The following BRICD5 variants were observed in gnomAD, a reference collection of about 807,000 sequenced individuals.
BRICD5 encodes the protein BRICHOS domain-containing protein 5.
A neutral mutation model predicts 28.4 loss-of-function variants in BRICD5; 51 were observed. The ratio of observed to expected loss-of-function variants is 1.80; its 90% CI spans 1.43 to 2.27. The LOEUF is 2.27. BRICD5 is among the 30% of genes most tolerant of loss of function. The pLI, the probability that BRICD5 is intolerant of heterozygous loss-of-function variation, is 0.00. For missense variants in BRICD5, 456 were observed against 309.6 expected (o/e 1.47, Z -3.55); for synonymous variants, 177 against 130.2 (o/e 1.36, Z -2.44).
Position 2,210,634 on chromosome 16 carries a change from G to T in BRICD5, c.68C>A (p.Ser23Tyr), listed in dbSNP as rs866309072. 10 of 1,611,746 alleles carry T rather than the reference G, an allele frequency of 6.2e-6. No individual in the cohort carries two copies. In the African/African-American group the frequency reaches 1.2e-4, roughly 19 times the overall value. ...PGPTGVKTKP[S>Y]CGGWRAVSLL... is the part of the protein sequence containing the mutation. The stretch of plus-strand genomic sequence containing the variant: ...GCTCACGGCTCTCCAGCCCCCGCAG[G>T]AGGGCTTGGTCTTCACCTGGGCGTG... The change falls in exon 2 of 6, where the codon TCC becomes TAC. Residue 23 changes from serine (S) to tyrosine (Y), a missense_variant. By Grantham distance (144) the Ser-to-Tyr change is moderately radical (BLOSUM62 -2). Transcript: ENST00000328540.
At position 2,209,984 on chromosome 16, in the gene BRICD5, C is replaced by G. The variant is rs756613643; in HGVS notation, c.404G>C (p.Arg135Pro). ...CFLRLMEDSD[R>P]ETLRLLVDTS... ...ATCCACCAGCAGCCGCAGGGTCTCC[C>G]GATCACTGTCCTCCATCAGGCGGAG... The change falls in exon 4 of 6, where the codon CGG becomes CCG. Residue 135 changes from arginine to proline, a missense_variant. Coordinates refer to ENST00000328540, the MANE Select transcript of BRICD5 (RefSeq NM_182563.4). 1 of 1,545,736 alleles carries G rather than the reference C, an allele frequency of 6.5e-7. No individual in the cohort carries two copies. The highest frequency in any genetic ancestry group is 8.8e-7 in the Non-Finnish European group (1 of 1,141,718).
Position 2,209,328 on chromosome 16 carries a change from T to G in BRICD5, c.*34A>C. Reference sequence around the variant, plus strand: ...CAGGTGGCCTGGCCAGCCCACTGGATTGGGGACGGGCCAGGCTGGGCCAGG... The same window carrying G: ...CAGGTGGCCTGGCCAGCCCACTGGAGTGGGGACGGGCCAGGCTGGGCCAGG... On this transcript the variant is annotated 3_prime_UTR_variant, in exon 6 of 6. Coordinates refer to ENST00000328540, the MANE Select transcript of BRICD5 (RefSeq NM_182563.4). 6.3e-7 allele frequency: 1 copy of G among 1,582,832 alleles called. No individual in the cohort carries two copies. The highest frequency in any genetic ancestry group is 8.7e-7 in the Non-Finnish European group (1 of 1,156,018).
In BRICD5 at chr16:2,210,175, G is replaced by A; in HGVS notation, c.287C>T (p.Thr96Ile). Reference protein sequence around the residue: ...VARNAATITVTPPQSNHSWAV... With the variant: ...VARNAATITVIPPQSNHSWAV... The stretch of plus-strand genomic sequence containing the variant: ...CCAGCTGTGGTTGCTCTGAGGTGGG[G>A]TCACTGTGATGGTCGCCGCGTTCCG... The change falls in exon 3 of 6, where the codon ACC becomes ATC. Residue 96 changes from threonine to isoleucine, a missense_variant. Transcript: ENST00000328540. The A allele has an allele frequency of 6.2e-7, 1 of 1,607,546 alleles. No individual in the cohort carries two copies. The highest frequency in any genetic ancestry group is 1.1e-5 in the South Asian group (1 of 90,292).
At chr16:2,210,444 T>C in intron 2 of BRICD5, 78 bp downstream of exon 2, 2 of 1,541,860 alleles carry the variant, frequency 1.3e-6, no homozygotes, top group Non-Finnish European at 1.8e-6. Flanking sequence ...GCACCCTTGC[T>C]CTGCTGGAGG....
intron 4 of BRICD5, 122 bp from the exon 5 acceptor site, chr16:2,209,828 C>T (rs1308109577): frequency 7.1e-7 from 1 of 1,401,088 alleles, no homozygotes; most frequent in Middle Eastern, 2.6e-4. Context: ...GCAGCCTGGG[C>T]TTAGGGCGGA....
At position 2,210,805 on chromosome 16, in the gene BRICD5, C is replaced by A. The variant is rs137984071; in HGVS notation, c.29G>T (p.Arg10Leu). 1.1e-5 allele frequency: 17 copies of A among 1,604,784 alleles called. No homozygotes were observed. The Admixed American group carries it at 2.8e-4, about 27-fold the overall frequency. MEPASCCAE[R>L]PKPGPTGVKT... ...CACCCCTGTAGGCCCAGGTTTGGGG[C>A]GCTCAGCACAGCAGCTTGCTGGTTC... Residue 10 changes from arginine (R) to leucine (L), a missense_variant, in exon 1 of 6, where the codon CGC becomes CTC. Physicochemically the swap from Arg to Leu is moderately radical, Grantham distance 102. Coordinates refer to ENST00000328540, the MANE Select transcript of BRICD5 (RefSeq NM_182563.4).
At position 2,209,331 on chromosome 16, in the gene BRICD5, G is replaced by C; in HGVS notation, c.*31C>G. The C allele has an allele frequency of 6.3e-7, 1 of 1,591,156 alleles. No individual in the cohort carries two copies. The highest frequency in any genetic ancestry group is 1.1e-5 in the South Asian group (1 of 89,420). On this transcript the variant is annotated 3_prime_UTR_variant, in exon 6 of 6. Transcript: ENST00000328540. ...GTGGCCTGGCCAGCCCACTGGATTG[G>C]GGACGGGCCAGGCTGGGCCAGGTCG...
Position 2,209,345 on chromosome 16 carries a change from TGGGCCAGGTC to T in BRICD5, c.*7_*16del. The T allele has an allele frequency of 6.2e-7, 1 of 1,604,722 alleles. No individual in the cohort carries two copies. Among genetic ancestry groups the T allele is most frequent in the South Asian group, 1.1e-5 (1 of 90,604 alleles). ...CCACTGGATTGGGGACGGGCCAGGC[TGGGCCAGGTC>T]GGGGGCTCAGTCTGGGAGGTAATAA... On this transcript the variant is annotated 3_prime_UTR_variant, in exon 6 of 6. Transcript: ENST00000328540.
In BRICD5 at chr16:2,210,581, G is replaced by C. The variant is rs770553983; in HGVS notation, c.121C>G (p.Leu41Val). The C allele has an allele frequency of 5.6e-6, 9 of 1,612,108 alleles. No homozygotes were observed. Among genetic ancestry groups the C allele is most frequent in the Admixed American group, 5.0e-5 (3 of 59,942 alleles). ...SLLLLLLLLV[L>V]AAVGVVAGGL... ...CCAGCCACAACCCCCACAGCGGCCA[G>C]CACCAGCAGCAGCAGCAGCAGGAGC... The change falls in exon 2 of 6, where the codon CTG (leucine) becomes GTG (valine). Residue 41 changes from leucine to valine, a missense_variant. Leu to Val is a conservative substitution (Grantham distance 32). Transcript: ENST00000328540.
intron 4 of BRICD5, 76 bp from the exon 5 acceptor site, chr16:2,209,782 A>C: frequency 6.8e-7 from 1 of 1,471,940 alleles, no homozygotes; most frequent in African/African-American, 1.4e-5. Context: ...GGTACCCTCC[A>C]ACCCCCAGTG....
Position 2,210,149 on chromosome 16 carries a change from C to T in BRICD5, c.313G>A (p.Ala105Thr). ...VTPPQSNHSWAVLFDGQSGCI... is the reference protein window; with the variant it reads ...VTPPQSNHSWTVLFDGQSGCI... ...ACGCTCTGCCCGTCGAACAGCACCG[C>T]CCAGCTGTGGTTGCTCTGAGGTGGG... The change falls in exon 3 of 6, where the codon GCG becomes ACG. Residue 105 changes from alanine (A) to threonine (T), a missense_variant. Ala to Thr is a moderately conservative substitution (Grantham distance 58, BLOSUM62 0). Coordinates refer to ENST00000328540, the MANE Select transcript of BRICD5 (RefSeq NM_182563.4). 1.2e-6 allele frequency: 2 copies of T among 1,609,328 alleles called. No homozygotes were observed.
In BRICD5 at chr16:2,210,585, C is replaced by A. The variant is rs371145262; in HGVS notation, c.117G>T (p.Leu39=). Reference sequence around the variant, plus strand: ...CCACAACCCCCACAGCGGCCAGCACCAGCAGCAGCAGCAGCAGGAGCAGGC... The same window carrying A: ...CCACAACCCCCACAGCGGCCAGCACAAGCAGCAGCAGCAGCAGGAGCAGGC... ...AVSLLLLLLL[L]VLAAVGVVAG... is the part of the protein sequence containing the mutation. Residue 39 remains leucine, a synonymous_variant, in exon 2 of 6, where the codon CTG becomes CTT. Coordinates refer to ENST00000328540, the MANE Select transcript of BRICD5 (RefSeq NM_182563.4). 7.4e-6 allele frequency: 8 copies of A among 1,074,266 alleles called. No individual in the cohort carries two copies. Among genetic ancestry groups the A allele is most frequent in the African/African-American group, 1.6e-5 (1 of 62,980 alleles). The allele number at this position is 1,074,266 out of a possible 1,614,324, so 66.5% of individuals were successfully genotyped here.
chr16:2,210,537 A>C lies in BRICD5; in HGVS notation c.165T>G (p.Ala55=), dbSNP rs373386363. Residue 55 remains alanine, a synonymous_variant, in exon 2 of 6, where the codon GCT becomes GCG. Coordinates refer to ENST00000328540, the MANE Select transcript of BRICD5 (RefSeq NM_182563.4). ...GVVAGGLLGS[A]QGPPKPRLQT... Reference sequence around the variant, plus strand: ...AGGGGCTCACCTTGGGAGGGCCCTGAGCAGAGCCAAGAAGCCCTCCAGCCA... The same window carrying C: ...AGGGGCTCACCTTGGGAGGGCCCTGCGCAGAGCCAAGAAGCCCTCCAGCCA... 3.9e-5 allele frequency: 63 copies of C among 1,611,242 alleles called. No homozygotes were observed. Among genetic ancestry groups the C allele is most frequent in the Non-Finnish European group, 5.1e-5 (60 of 1,179,052 alleles).
rs2093367203 is a variant in BRICD5 at position 2,210,145 on chromosome 16, A to C, written c.317T>G (p.Val106Gly). The stretch of plus-strand genomic sequence containing the variant: ...ACTCACGCTCTGCCCGTCGAACAGC[A>C]CCGCCCAGCTGTGGTTGCTCTGAGG... The part of the protein sequence containing the change: ...TPPQSNHSWA[V>G]LFDGQSGCIC... Residue 106 changes from valine to glycine, a missense_variant, in exon 3 of 6, where the codon GTG becomes GGG. Coordinates refer to ENST00000328540, the MANE Select transcript of BRICD5 (RefSeq NM_182563.4). The C allele has an allele frequency of 6.2e-7, 1 of 1,609,098 alleles. No homozygotes were observed.
At position 2,210,253 on chromosome 16, in the gene BRICD5, A is replaced by T. The variant is rs769901164; in HGVS notation, c.209T>A (p.Leu70His). The change falls in exon 3 of 6, where the codon CTC becomes CAC. Residue 70 changes from leucine to histidine, a missense_variant. Coordinates refer to ENST00000328540, the MANE Select transcript of BRICD5 (RefSeq NM_182563.4). ...KPRLQTLRMTLPSPHMPRPNQ... is the reference protein window; with the variant it reads ...KPRLQTLRMTHPSPHMPRPNQ... ...GGGCCGGGGCATGTGGGGGCTCGGG[A>T]GGGTCATTCGCAGCGTCTGCAGCCT... 6.5e-6 allele frequency: 10 copies of T among 1,546,696 alleles called. No homozygotes were observed. The highest frequency in any genetic ancestry group is 5.8e-5 in the Admixed American group (3 of 52,112).
chr16:2,210,416 G>A (rs1333889030), intron 2 of BRICD5, 106 bp downstream of exon 2: 1 of 1,532,998 alleles, frequency 6.5e-7, no homozygotes, highest in South Asian at 1.3e-5. Flanking sequence ...GCTCCTAGGT[G>A]GTGTCACTGC....
At position 2,210,496 on chromosome 16, in the gene BRICD5, G is replaced by A. The variant is rs966026782; in HGVS notation, c.180+26C>T. 18 of 1,586,380 alleles carry A rather than the reference G, an allele frequency of 1.1e-5. No homozygotes were observed. In the African/African-American group the frequency reaches 1.9e-4, roughly 17 times the overall value. On this transcript the variant is annotated intron_variant, in intron 2 of 5. Transcript: ENST00000328540. ...TCCCTTCTCCCTTTCCACTGTCCAT[G>A]TCCCTGGTGCTGAGGAGGGGCTCAC...
chr16:2,210,067 G>C lies in BRICD5; in HGVS notation c.337-16C>G. Reference sequence around the variant, plus strand: ...AGATGCAGCCCTGGGGAGGCAGGGGGGTGAGGCGGGGCCCCCCAGACCGAC... The same window carrying C: ...AGATGCAGCCCTGGGGAGGCAGGGGCGTGAGGCGGGGCCCCCCAGACCGAC... On this transcript the variant is annotated splice_polypyrimidine_tract_variant and intron_variant, in intron 3 of 5. Coordinates refer to ENST00000328540, the MANE Select transcript of BRICD5 (RefSeq NM_182563.4). 2 of 1,599,972 alleles carry C rather than the reference G, an allele frequency of 1.3e-6. No individual in the cohort carries two copies. Among genetic ancestry groups the C allele is most frequent in the African/African-American group, 1.3e-5 (1 of 74,834 alleles).
In BRICD5 at chr16:2,210,181, G is replaced by GTGA. The variant is rs765350823; in HGVS notation, c.278_280dup (p.Ile93dup). The stretch of plus-strand genomic sequence containing the variant: ...GTGGTTGCTCTGAGGTGGGGTCACT[G>GTGA]TGATGGTCGCCGCGTTCCGGGCCAC... On this transcript the variant is annotated inframe_insertion, in exon 3 of 6. Coordinates refer to ENST00000328540, the MANE Select transcript of BRICD5 (RefSeq NM_182563.4). The GTGA allele has an allele frequency of 2.7e-5, 43 of 1,605,728 alleles. No individual in the cohort carries two copies. The highest frequency in any genetic ancestry group is 3.6e-5 in the Non-Finnish European group (42 of 1,177,514).
Sources: gnomAD v4.1 joint callset for allele counts on GRCh38, gnomAD v4.1.1 for gene constraint, MANE v1.5 for transcripts, NCBI Gene and HGNC (gene_info 2026-07-23, HGNC 2026-07-21) for gene names.